The following GNAQ variants were observed in gnomAD, a reference collection of about 807,000 sequenced individuals.
GNAQ encodes G protein subunit alpha q.
A neutral mutation model predicts 43.9 loss-of-function variants in GNAQ; 8 were observed. The ratio of observed to expected loss-of-function variants is 0.18; its 90% CI spans 0.11 to 0.33. The LOEUF is 0.33. Among genes scored for constraint, GNAQ ranks in the 10% least tolerant of loss-of-function variants. The pLI, the probability that GNAQ is intolerant of heterozygous loss-of-function variation, is 1.00. For synonymous variants in GNAQ, 155 were observed against 170.7 expected (o/e 0.91, Z 0.71); for missense variants, 158 against 450.8 (o/e 0.35, Z 5.88).
Position 77,716,475 on chromosome 9 carries a change from G to A in GNAQ, c.*4848C>T. 4.3e-6 allele frequency: 1 copy of A among 232,702 alleles called. No homozygotes were observed. Among genetic ancestry groups the A allele is most frequent in the Non-Finnish European group, 8.5e-6 (1 of 117,768 alleles). The allele number at this position is 232,702 out of a possible 1,614,324, so 14.4% of individuals were successfully genotyped here. On this transcript the variant is annotated 3_prime_UTR_variant, in exon 7 of 7. Coordinates refer to ENST00000286548, the MANE Select transcript of GNAQ (RefSeq NM_002072.5). ...CTGACAAAACTCCCTAAATACATAG[G>A]TCTAGTAAGGGTTTCCAACAGGATG... is the stretch of plus-strand genomic sequence containing the variant.
At chr9:77,882,285 G>A (rs1044394090) in intron 2 of GNAQ, among the ~76,000 whole-genome samples, 1 of 152,172 alleles carries the variant, frequency 6.6e-6, no homozygotes, top group Non-Finnish European at 1.5e-5. Flanking sequence ...CATAGGAAAA[G>A]TGGTAAATAA....
At chr9:77,992,473 C>A (rs1823519995) in intron 1 of GNAQ, among the ~76,000 whole-genome samples, 1 of 151,602 alleles carries the variant, frequency 6.6e-6, no homozygotes. Flanking sequence ...TTTTTTAAAC[C>A]TTCTTGGACT....
Position 77,980,147 on chromosome 9 carries a change from AG to A in GNAQ, c.136+50952del, listed in dbSNP as rs201784556. On this transcript the variant is annotated intron_variant, in intron 1 of 6. Coordinates refer to ENST00000286548, the MANE Select transcript of GNAQ (RefSeq NM_002072.5). ...CCTCAAGCCTTGAAAGAGTTACTGA[AG>A]TTTTCTGAACCTTTGTTTCTTACCC... Among the ~76,000 whole-genome samples the A allele has an allele frequency of 4.9e-3, 748 of 152,316 alleles. 6 individuals carry two copies. Among genetic ancestry groups the A allele is most frequent in the African/African-American group, 0.016 (669 of 41,578 alleles).
intron 2 of GNAQ, among the ~76,000 whole-genome samples, chr9:77,916,602 T>C (rs542224370): frequency 4.5e-4 from 68 of 152,252 alleles, no homozygotes; most frequent in African/African-American, 1.6e-3. Flanking sequence ...AAAGGCACTG[T>C]AGCAATACAT....
At chr9:77,957,355 CA>C (rs201356086) in intron 1 of GNAQ, among the ~76,000 whole-genome samples, 3 of 146,404 alleles carry the variant, frequency 2.0e-5, no homozygotes, top group East Asian at 4.0e-4. Context: ...GACTCAGTCT[CA>C]AAAAAAAACA....
chr9:77,834,374 A>C (rs1188402561), intron 2 of GNAQ, among the ~76,000 whole-genome samples: 2 of 152,224 alleles, frequency 1.3e-5, no homozygotes, highest in Admixed American at 1.3e-4. Flanking sequence ...TCATTTGTTT[A>C]AGGTTTGTGA....
chr9:77,833,138 T>C (rs1043317759), intron 2 of GNAQ, among the ~76,000 whole-genome samples: 8 of 152,050 alleles, frequency 5.3e-5, no homozygotes, highest in Non-Finnish European at 1.0e-4. Context: ...GGCTAATTTT[T>C]GTATTTTTTT....
chr9:77,741,943 G>A (rs1183034732), intron 5 of GNAQ, among the ~76,000 whole-genome samples: 1 of 152,148 alleles, frequency 6.6e-6, no homozygotes, highest in Non-Finnish European at 1.5e-5. Context: ...GTATGGTTAT[G>A]AGATTTTTTG....
At chr9:78,017,212 G>A (rs1287939426) in intron 1 of GNAQ, among the ~76,000 whole-genome samples, 2 of 152,160 alleles carry the variant, frequency 1.3e-5, no homozygotes, top group African/African-American at 4.8e-5. Flanking sequence ...GCCAATTTCT[G>A]TGGTGTAAAC....
chr9:78,017,266 A>C (rs564865149), intron 1 of GNAQ, among the ~76,000 whole-genome samples: 42 of 152,352 alleles, frequency 2.8e-4, no homozygotes, highest in African/African-American at 9.9e-4. Context: ...TTCGGTCACT[A>C]AATGTAAAGT....
At chr9:77,842,740 G>A (rs1299712408) in intron 2 of GNAQ, among the ~76,000 whole-genome samples, 3 of 152,042 alleles carry the variant, frequency 2.0e-5, no homozygotes, top group African/African-American at 7.2e-5. Context: ...CAGGCATATG[G>A]CCCAACCCAA....
intron 2 of GNAQ, among the ~76,000 whole-genome samples, chr9:77,849,992 T>G (rs941933019): frequency 6.6e-6 from 1 of 152,136 alleles, no homozygotes; most frequent in Non-Finnish European, 1.5e-5. Flanking sequence ...AAAACTACGT[T>G]CTTCTGTGAT....
intron 5 of GNAQ, among the ~76,000 whole-genome samples, chr9:77,757,012 T>C (rs763013729): frequency 7.2e-5 from 11 of 152,194 alleles, no homozygotes; most frequent in Non-Finnish European, 1.2e-4. Flanking sequence ...TTATCTCTAC[T>C]TGGAGCCTTT....
chr9:77,972,605 T>C (rs1823249872), intron 1 of GNAQ, among the ~76,000 whole-genome samples: 1 of 151,820 alleles, frequency 6.6e-6, no homozygotes, highest in African/African-American at 2.4e-5. Context: ...AAATATAAAA[T>C]AACTAGGAAT....
At chr9:77,838,140 T>TC (rs1226552946) in intron 2 of GNAQ, among the ~76,000 whole-genome samples, 2 of 140,848 alleles carry the variant, frequency 1.4e-5, no homozygotes, top group Non-Finnish European at 3.1e-5. Context: ...ATTAATGATT[T>TC]TTTTTTTTTT....
intron 2 of GNAQ, among the ~76,000 whole-genome samples, chr9:77,920,046 G>A (rs560920781): frequency 1.3e-5 from 2 of 152,236 alleles, no homozygotes; most frequent in South Asian, 2.1e-4. Flanking sequence ...TGCTGAGGCA[G>A]GAGAATCGCT....
chr9:77,853,793 A>AC (rs1302265738), intron 2 of GNAQ, among the ~76,000 whole-genome samples: 2 of 150,942 alleles, frequency 1.3e-5, no homozygotes, highest in African/African-American at 2.4e-5. Flanking sequence ...AAAAAAAAAA[A>AC]AAAAAAACCC....
At chr9:77,865,427 T>C (rs1827931462) in intron 2 of GNAQ, among the ~76,000 whole-genome samples, 1 of 152,226 alleles carries the variant, frequency 6.6e-6, no homozygotes, top group South Asian at 2.1e-4. Flanking sequence ...TTTAGGAAAT[T>C]TCTGACTAGG....
At chr9:77,795,290 A>G (rs890316500) in intron 4 of GNAQ, among the ~76,000 whole-genome samples, 2 of 152,184 alleles carry the variant, frequency 1.3e-5, no homozygotes, top group African/African-American at 4.8e-5. Flanking sequence ...TTTTTAACAC[A>G]TCAATTCTGT....
Sources: allele counts gnomAD v4.1 joint callset (sites outside exome capture counted in the v4.1 genomes callset), GRCh38; gene constraint gnomAD v4.1.1; transcripts MANE v1.5; gene names NCBI Gene and HGNC (gene_info 2026-07-23, HGNC 2026-07-21).